GLIS3: variants seen among roughly 807,000 people sequenced by gnomAD.
GLIS3 encodes the protein GLIS family zinc finger 3.
In GLIS3, 53 loss-of-function variants were observed where a neutral mutation model predicts 78.6. That is an observed-to-expected ratio of 0.67 (90% confidence interval 0.54 to 0.85). The LOEUF (loss-of-function observed/expected upper bound fraction) is 0.85, where lower values mean the gene tolerates loss of function less well. Ranked by LOEUF, GLIS3 falls within the 40% of genes least tolerant of loss-of-function variation. The pLI is 0.00. For synonymous variants in GLIS3, 684 were observed against 509.9 expected, an observed-to-expected ratio of 1.34 and a Z score of -4.60; for missense variants, 1,703 against 1,231.1, an observed-to-expected ratio of 1.38 and a Z score of -5.74.
chr9:4,320,022 TGTGC>T (rs939249997), intron 2 of GLIS3, among the ~76,000 whole-genome samples: 1 of 50,128 alleles, frequency 2.0e-5, no homozygotes, highest in African/African-American at 4.6e-5. Context: ...TGTGTGTGTG[TGTGC>T]GCGCGCACAA....
chr9:4,313,595 C>A (rs1817396465), intron 2 of GLIS3, among the ~76,000 whole-genome samples: 1 of 152,172 alleles, frequency 6.6e-6, no homozygotes, highest in East Asian at 1.9e-4. Context: ...GATCTTGGAC[C>A]TTGATTTTTC....
chr9:4,454,019 T>G, the GLIS3 span, among the ~76,000 whole-genome samples: 1 of 151,760 alleles, frequency 6.6e-6, no homozygotes. Flanking sequence ...AAATAAATTT[T>G]AAAAAAAGAA....
chr9:4,206,682 C>A (rs1026729869), intron 2 of GLIS3, among the ~76,000 whole-genome samples: 13 of 152,188 alleles, frequency 8.5e-5, no homozygotes, highest in African/African-American at 3.1e-4. Context: ...GGGTGTGAAC[C>A]ATCCATAAAT....
the GLIS3 span, among the ~76,000 whole-genome samples, chr9:4,373,226 A>G: frequency 1.3e-5 from 2 of 152,220 alleles, no homozygotes; most frequent in African/African-American, 2.4e-5. Flanking sequence ...ATTCTCAGAC[A>G]TCACTGATCA....
chr9:4,033,449 G>A (rs751422193), intron 4 of GLIS3, among the ~76,000 whole-genome samples: 5 of 152,098 alleles, frequency 3.3e-5, no homozygotes, highest in Admixed American at 1.3e-4. Flanking sequence ...GGTCTAGAAG[G>A]AGGAAGCACA....
At chr9:4,220,896 G>A (rs778559027) in intron 2 of GLIS3, among the ~76,000 whole-genome samples, 16 of 152,112 alleles carry the variant, frequency 1.1e-4, no homozygotes, top group Non-Finnish European at 2.1e-4. Context: ...GAGGTGGGAG[G>A]ATCGCTTAAG....
intron 2 of GLIS3, among the ~76,000 whole-genome samples, chr9:4,262,933 CAAAAAAA>C (rs34292499): frequency 1.0e-5 from 1 of 97,884 alleles, no homozygotes; most frequent in African/African-American, 3.8e-5. Flanking sequence ...GTGTTTGCCT[CAAAAAAA>C]AAAAAAAAAA....
At chr9:4,442,207 A>G in the GLIS3 span, among the ~76,000 whole-genome samples, 2 of 152,138 alleles carry the variant, frequency 1.3e-5, no homozygotes, top group African/African-American at 4.8e-5. Flanking sequence ...GAATTTATCT[A>G]TTCCTTGTAG....
intron 2 of GLIS3, among the ~76,000 whole-genome samples, chr9:4,253,251 G>A (rs1824569369): frequency 6.6e-6 from 1 of 152,226 alleles, no homozygotes; most frequent in Non-Finnish European, 1.5e-5. Context: ...CCAGGGAGAT[G>A]GGAGTTTTAT....
chr9:4,237,517 G>A (rs1180102228), intron 2 of GLIS3, among the ~76,000 whole-genome samples: 1 of 152,186 alleles, frequency 6.6e-6, no homozygotes, highest in East Asian at 1.9e-4. Context: ...CTAGGGCATG[G>A]CTGAAAATCT....
intron 4 of GLIS3, among the ~76,000 whole-genome samples, chr9:3,955,289 G>C (rs1310213588): frequency 6.6e-6 from 1 of 152,186 alleles, no homozygotes; most frequent in East Asian, 1.9e-4. Flanking sequence ...CACATTGAAA[G>C]CTGAAGGTCA....
chr9:3,909,616 C>T (rs147040456), intron 6 of GLIS3, among the ~76,000 whole-genome samples: 15 of 152,212 alleles, frequency 9.9e-5, no homozygotes, highest in African/African-American at 3.4e-4. Flanking sequence ...CTCCAAAATA[C>T]GTGAATGGGT....
the GLIS3 span, among the ~76,000 whole-genome samples, chr9:4,468,757 T>C: frequency 6.6e-6 from 1 of 152,166 alleles, no homozygotes; most frequent in African/African-American, 2.4e-5. Flanking sequence ...GCTAACATCA[T>C]AATGACAGGA....
At chr9:4,388,056 T>A in the GLIS3 span, among the ~76,000 whole-genome samples, 1 of 152,220 alleles carries the variant, frequency 6.6e-6, no homozygotes, top group Non-Finnish European at 1.5e-5. Flanking sequence ...TGACTGATTA[T>A]GAGGCAACAC....
intron 2 of GLIS3, among the ~76,000 whole-genome samples, chr9:4,272,023 A>G (rs1826559393): frequency 6.6e-6 from 1 of 152,196 alleles, no homozygotes; most frequent in South Asian, 2.1e-4. Flanking sequence ...CCAGGCCATC[A>G]CAGAAGGCCT....
chr9:4,471,831 G>C, the GLIS3 span, among the ~76,000 whole-genome samples: 6 of 152,118 alleles, frequency 3.9e-5, no homozygotes, highest in Non-Finnish European at 7.3e-5. Flanking sequence ...CCTACAGAGT[G>C]GGAGAAAATT....
chr9:4,235,805 T>C (rs1822678613), intron 2 of GLIS3, among the ~76,000 whole-genome samples: 1 of 152,126 alleles, frequency 6.6e-6, no homozygotes, highest in African/African-American at 2.4e-5. Context: ...AACATGGCTG[T>C]GCTCTGGTGA....
chr9:4,342,311 C>T (rs1436554496), intron 2 of GLIS3, among the ~76,000 whole-genome samples: 2 of 152,210 alleles, frequency 1.3e-5, no homozygotes, highest in African/African-American at 4.8e-5. Flanking sequence ...CTGCACGCGG[C>T]TAGCCAGTTA....
At chr9:3,923,876 G>T (rs1435257382) in intron 6 of GLIS3, among the ~76,000 whole-genome samples, 1 of 152,194 alleles carries the variant, frequency 6.6e-6, no homozygotes. Context: ...TAAAAGAATA[G>T]CCTGTAATCC....
Sources: gnomAD v4.1 joint callset for allele counts (sites outside exome capture counted in the v4.1 genomes callset) on GRCh38, gnomAD v4.1.1 for gene constraint, MANE v1.5 for transcripts, NCBI Gene and HGNC (gene_info 2026-07-23, HGNC 2026-07-21) for gene names.